SEC24A: variants seen among roughly 807,000 people sequenced by gnomAD.
SEC24A encodes protein transport protein Sec24A.
A neutral mutation model predicts 129.4 loss-of-function variants in SEC24A; 93 were observed. The observed-to-expected ratio is 0.72, with a 90% confidence interval of 0.61 to 0.85. The LOEUF is 0.85. SEC24A is among the 40% of genes least tolerant of loss of function. The pLI is 0.00. For missense variants in SEC24A, 1,264 were observed against 1,307.4 expected (o/e 0.97, Z 0.51); for synonymous variants, 460 against 467.3 (o/e 0.98, Z 0.20).
intron 17 of SEC24A, among the ~76,000 whole-genome samples, chr5:134,708,367 A>G (rs988294001): frequency 3.9e-5 from 6 of 152,206 alleles, no homozygotes; most frequent in African/African-American, 1.4e-4. Context: ...AACATTGTGC[A>G]TTTCAGGAAA....
chr5:134,698,201 C>A, intron 15 of SEC24A, 144 bp downstream of exon 15: 3 of 650,004 alleles, frequency 4.6e-6, no homozygotes, highest in South Asian at 2.2e-5. Flanking sequence ...AGAAGAAACA[C>A]TGTAACCAAA....
chr5:134,701,580 G>T (rs1007775642), intron 15 of SEC24A, among the ~76,000 whole-genome samples: 1 of 151,322 alleles, frequency 6.6e-6, no homozygotes, highest in Non-Finnish European at 1.5e-5. Flanking sequence ...GCGCAGTCTC[G>T]GCTCACTGCA....
At chr5:134,686,492 C>T (rs1179815380) in intron 9 of SEC24A, among the ~76,000 whole-genome samples, 1 of 152,164 alleles carries the variant, frequency 6.6e-6, no homozygotes, top group Non-Finnish European at 1.5e-5. Flanking sequence ...CCGCCTTGGC[C>T]TCCCAAAGTG....
intron 2 of SEC24A, among the ~76,000 whole-genome samples, chr5:134,662,433 T>C (rs1044966987): frequency 7.2e-5 from 11 of 152,098 alleles, no homozygotes; most frequent in Non-Finnish European, 1.6e-4. Context: ...TGATTACAGG[T>C]GTGAGCCAAT....
At chr5:134,716,932 T>G (rs978563665) in intron 19 of SEC24A, among the ~76,000 whole-genome samples, 1 of 146,288 alleles carries the variant, frequency 6.8e-6, no homozygotes, top group Non-Finnish European at 1.5e-5. Flanking sequence ...CAGGCTGGAG[T>G]GCAATGGACT....
intron 17 of SEC24A, 74 bp from the exon 18 acceptor site, chr5:134,708,639 T>G (rs1003191179): frequency 4.6e-6 from 6 of 1,310,140 alleles, no homozygotes; most frequent in Non-Finnish European, 6.3e-6. Flanking sequence ...AAAAATTATC[T>G]CTTCTATCCT....
chr5:134,720,947 A>T lies in SEC24A; in HGVS notation c.2971-51A>T, dbSNP rs1487578987. On this transcript the variant is annotated intron_variant, in intron 20 of 22. Transcript: ENST00000398844. ...AAAATAAAATGTACTCACTCAACAG[A>T]CTCACCTTTATGTATGCTGCATCTC... The T allele has an allele frequency of 5.2e-6, 5 of 967,576 alleles. No individual in the cohort carries two copies. The Admixed American group carries it at 9.0e-5, about 17-fold the overall frequency. The allele number at this position is 967,576 out of a possible 1,614,324, so 59.9% of individuals were successfully genotyped here. A position where few individuals can be genotyped will look rare whatever the true frequency, so the allele number is the denominator to read the frequency against.
intron 5 of SEC24A, 75 bp downstream of exon 5, chr5:134,674,850 G>T: frequency 7.6e-7 from 1 of 1,323,896 alleles, no homozygotes; most frequent in Non-Finnish European, 1.0e-6. Context: ...AAAGTTTTAG[G>T]AAGGTATATT....
chr5:134,651,761 G>A (rs921916070), intron 1 of SEC24A, among the ~76,000 whole-genome samples: 1 of 151,898 alleles, frequency 6.6e-6, no homozygotes, highest in African/African-American at 2.4e-5. Flanking sequence ...ACCAAGCCTA[G>A]CCTGGGTTGT....
At chr5:134,667,538 C>T (rs1046503445) in intron 3 of SEC24A, among the ~76,000 whole-genome samples, 2 of 151,490 alleles carry the variant, frequency 1.3e-5, no homozygotes, top group Non-Finnish European at 2.9e-5. Context: ...GTAGTAGTCA[C>T]AGCTACTCTG....
At chr5:134,722,001 T>C (rs900778794) in intron 21 of SEC24A, among the ~76,000 whole-genome samples, 1 of 152,238 alleles carries the variant, frequency 6.6e-6, no homozygotes, top group Non-Finnish European at 1.5e-5. Flanking sequence ...AATTGTTATA[T>C]TTTTAATAAT....
At chr5:134,717,880 A>G (rs534420980) in intron 19 of SEC24A, among the ~76,000 whole-genome samples, 189 bp from the exon 20 acceptor site, 6 of 152,186 alleles carry the variant, frequency 3.9e-5, no homozygotes, top group Admixed American at 1.3e-4. Context: ...GTGCCATTAC[A>G]TTTCAGCTTG....
At chr5:134,676,584 T>C (rs1456042166) in intron 7 of SEC24A, among the ~76,000 whole-genome samples, 1 of 151,986 alleles carries the variant, frequency 6.6e-6, no homozygotes, top group South Asian at 2.1e-4. Flanking sequence ...GCTGGCATTA[T>C]AGGCATCTGC....
At chr5:134,724,177 A>T (rs1469097629) in intron 22 of SEC24A, among the ~76,000 whole-genome samples, 1 of 152,174 alleles carries the variant, frequency 6.6e-6, no homozygotes, top group Non-Finnish European at 1.5e-5. Flanking sequence ...CTTTCTACTT[A>T]TATGAGTTCA....
intron 21 of SEC24A, among the ~76,000 whole-genome samples, chr5:134,722,651 A>G (rs554880788): frequency 6.6e-6 from 1 of 152,294 alleles, no homozygotes; most frequent in African/African-American, 2.4e-5. Flanking sequence ...ATGATCTGCA[A>G]GCCTAAAGTA....
At chr5:134,709,801 A>AT (rs1752266732) in intron 18 of SEC24A, among the ~76,000 whole-genome samples, 1 of 152,164 alleles carries the variant, frequency 6.6e-6, no homozygotes, top group Non-Finnish European at 1.5e-5. Context: ...CCAACAAAAA[A>AT]TTTAACTTTT....
intron 19 of SEC24A, among the ~76,000 whole-genome samples, chr5:134,717,777 T>C (rs1242208928): frequency 6.6e-6 from 1 of 151,638 alleles, no homozygotes; most frequent in Admixed American, 6.6e-5. Flanking sequence ...TAGCTGGGTG[T>C]TGTGGTGCAT....
rs181461234 is a variant in SEC24A at position 134,674,058 on chromosome 5, G to A, written c.818-557G>A. ...TGAAGCAGGAAAATCGCTTGAACCC[G>A]GGAGGTAGAGGTTGCAGTGAGCCAA... On this transcript the variant is annotated intron_variant, in intron 4 of 22. Transcript: ENST00000398844. Among the ~76,000 whole-genome samples, 554 of 152,132 alleles carry A rather than the reference G, an allele frequency of 3.6e-3. 4 individuals carry two copies. The highest frequency in any genetic ancestry group is 0.013 in the African/African-American group (531 of 41,474).
At chr5:134,724,664 A>G (rs1204098683) in intron 22 of SEC24A, among the ~76,000 whole-genome samples, 2 of 151,898 alleles carry the variant, frequency 1.3e-5, no homozygotes, top group East Asian at 1.9e-4. Flanking sequence ...AGTTATTTCC[A>G]TATCGTGGCT....
Sources: allele counts gnomAD v4.1 joint callset (sites outside exome capture counted in the v4.1 genomes callset), GRCh38; gene constraint gnomAD v4.1.1; transcripts MANE v1.5; gene names NCBI Gene and HGNC (gene_info 2026-07-23, HGNC 2026-07-21).